The following STEAP1B variants were observed in gnomAD, a reference collection of about 807,000 sequenced individuals.
STEAP1B encodes STEAP family protein MGC87042.
A neutral mutation model predicts 27.9 loss-of-function variants in STEAP1B; 13 were observed. The ratio of observed to expected loss-of-function variants is 0.47; its 90% CI spans 0.30 to 0.74. The LOEUF is 0.74. STEAP1B is among the 30% of genes least tolerant of loss of function. The pLI is 0.06. For missense variants in STEAP1B, 250 were observed against 298.7 expected, an observed-to-expected ratio of 0.84 and a Z score of 1.20; for synonymous variants, 86 against 107.1, an observed-to-expected ratio of 0.80 and a Z score of 1.22.
chr7:22,456,952 C>CCATATATATATATATA lies in STEAP1B; in HGVS notation c.762+35612_762+35613insTATATATATATATATG, dbSNP rs1478025290. ...TTCAGAATGGGGGTGGGATAGGCAG[C>CCATATATATATATATA]TATATATATATATATATATATTTTT... On this transcript the variant is annotated intron_variant, in intron 4 of 4. Transcript: ENST00000678116. Among the ~76,000 whole-genome samples the CCATATATATATATATA allele has an allele frequency of 1.2e-4, 9 of 73,278 alleles. No individual in the cohort carries two copies. In the East Asian group the frequency reaches 1.6e-3, roughly 13 times the overall value. 48.1% of individuals were successfully genotyped at this position (73,278 alleles called of 152,430 possible). A position where few individuals can be genotyped will look rare whatever the true frequency, so the allele number is the denominator to read the frequency against.
At chr7:22,463,431 G>T (rs951469737) in intron 4 of STEAP1B, among the ~76,000 whole-genome samples, 29 of 152,214 alleles carry the variant, frequency 1.9e-4, no homozygotes, top group South Asian at 1.2e-3. Flanking sequence ...CCAATGACTT[G>T]CTTCACAGAA....
In STEAP1B at chr7:22,475,386, C is replaced by T. The variant is rs146170952; in HGVS notation, c.762+17179G>A. Reference sequence around the variant, plus strand: ...CCATGTGGGGCCTTGAGCTGGATTTCGTTCTGAGTCAGGGTCTTCTTCTGT... The same window carrying T: ...CCATGTGGGGCCTTGAGCTGGATTTTGTTCTGAGTCAGGGTCTTCTTCTGT... On this transcript the variant is annotated intron_variant, in intron 4 of 4. Coordinates refer to ENST00000678116, the MANE Select transcript of STEAP1B (RefSeq NM_001382447.1). 1.2e-4 allele frequency among the ~76,000 whole-genome samples: 19 copies of T among 152,312 alleles called. No individual in the cohort carries two copies. The East Asian group carries it at 3.5e-3, about 28-fold the overall frequency.
intron 4 of STEAP1B, among the ~76,000 whole-genome samples, chr7:22,444,934 T>C (rs968547783): frequency 6.6e-6 from 1 of 152,152 alleles, no homozygotes; most frequent in African/African-American, 2.4e-5. Flanking sequence ...AGGTGTGCAT[T>C]TGCTGTCACC....
chr7:22,487,253 C>T (rs967862258), intron 4 of STEAP1B, among the ~76,000 whole-genome samples: 1 of 151,846 alleles, frequency 6.6e-6, no homozygotes, highest in Non-Finnish European at 1.5e-5. Flanking sequence ...GAGCTGTGAT[C>T]GCACCACTGT....
chr7:22,481,357 C>T (rs887246136), intron 4 of STEAP1B, among the ~76,000 whole-genome samples: 3 of 152,204 alleles, frequency 2.0e-5, no homozygotes, highest in East Asian at 1.9e-4. Flanking sequence ...TTAGCTAACC[C>T]CTGGGTGCCT....
At chr7:22,443,815 C>T (rs1785369308) in intron 4 of STEAP1B, among the ~76,000 whole-genome samples, 1 of 152,206 alleles carries the variant, frequency 6.6e-6, no homozygotes, top group African/African-American at 2.4e-5. Flanking sequence ...AAAAACACTT[C>T]CACTCGGCTG....
chr7:22,443,929 G>T (rs1201558124), intron 4 of STEAP1B, among the ~76,000 whole-genome samples: 1 of 152,218 alleles, frequency 6.6e-6, no homozygotes, highest in Non-Finnish European at 1.5e-5. Flanking sequence ...GTGATGTCCA[G>T]CCCAAGAGGC....
At chr7:22,461,128 C>A (rs1035054823) in intron 4 of STEAP1B, among the ~76,000 whole-genome samples, 1 of 152,196 alleles carries the variant, frequency 6.6e-6, no homozygotes, top group Non-Finnish European at 1.5e-5. Context: ...GAACTGCTTA[C>A]CACTCATTCT....
Position 22,459,497 on chromosome 7 carries a change from G to A in STEAP1B, c.762+33068C>T, listed in dbSNP as rs1785642017. 1.3e-5 allele frequency among the ~76,000 whole-genome samples: 2 copies of A among 152,320 alleles called. 1 individual carries two copies. The highest frequency in any genetic ancestry group is 4.2e-4 in the South Asian group (2 of 4,818). On this transcript the variant is annotated intron_variant, in intron 4 of 4. Transcript: ENST00000678116. ...TGGGTACCACGGCCATAAGACCTGAGTAATGATGTCTAAATTTTCCACTTA... is the reference window on the plus strand; with the variant it reads ...TGGGTACCACGGCCATAAGACCTGAATAATGATGTCTAAATTTTCCACTTA...
chr7:22,494,521 C>T (rs1194328785), intron 2 of STEAP1B, among the ~76,000 whole-genome samples: 3 of 150,646 alleles, frequency 2.0e-5, no homozygotes, highest in Non-Finnish European at 4.4e-5. Context: ...ATGGTATAAA[C>T]AAACTAAGAC....
At chr7:22,475,910 TG>T (rs1258674388) in intron 4 of STEAP1B, among the ~76,000 whole-genome samples, 11 of 152,236 alleles carry the variant, frequency 7.2e-5, no homozygotes, top group Non-Finnish European at 1.6e-4. Context: ...TTTAAGCAGT[TG>T]CAGTTCTCCT....
At position 22,493,367 on chromosome 7, in the gene STEAP1B, C is replaced by T. The variant is rs16881812; in HGVS notation, c.554G>A (p.Arg185Lys). 1 of 1,613,808 alleles carries T rather than the reference C, an allele frequency of 6.2e-7. No homozygotes were observed. The highest frequency in any genetic ancestry group is 8.5e-7 in the Non-Finnish European group (1 of 1,179,800). Residue 185 changes from arginine (R) to lysine (K), a missense_variant, in exon 3 of 5, where the codon AGG (arginine) becomes AAG (lysine). By Grantham distance (26) the Arg-to-Lys change is conservative. Coordinates refer to ENST00000678116, the MANE Select transcript of STEAP1B (RefSeq NM_001382447.1). ...HAIYTLSYAM[R>K]RSYRYKLLNW... Reference sequence around the variant, plus strand: ...TAGCAACTTGTATCTGTAGGATCGCCTCATTGCGTAAGACAGAGTATAAAT... The same window carrying T: ...TAGCAACTTGTATCTGTAGGATCGCTTCATTGCGTAAGACAGAGTATAAAT...
chr7:22,431,741 G>A (rs1441621051), intron 4 of STEAP1B, among the ~76,000 whole-genome samples: 1 of 152,220 alleles, frequency 6.6e-6, no homozygotes, highest in Admixed American at 6.5e-5. Flanking sequence ...ACTGGATCAG[G>A]ACAACTATTT....
chr7:22,479,353 A>G (rs572406795), intron 4 of STEAP1B, among the ~76,000 whole-genome samples: 1 of 152,354 alleles, frequency 6.6e-6, no homozygotes, highest in African/African-American at 2.4e-5. Flanking sequence ...TGCCCTTAAC[A>G]GAATCACATT....
intron 4 of STEAP1B, chr7:22,492,252 C>T: frequency 6.7e-6 from 1 of 148,568 alleles, no homozygotes; most frequent in Admixed American, 8.6e-5. Flanking sequence ...CCAGGAGGCG[C>T]AGGTTGCAGT....
At chr7:22,442,712 G>T (rs1785352436) in intron 4 of STEAP1B, among the ~76,000 whole-genome samples, 1 of 152,206 alleles carries the variant, frequency 6.6e-6, no homozygotes, top group Non-Finnish European at 1.5e-5. Flanking sequence ...GTGACTTTGG[G>T]CTTGCTGAGT....
At position 22,464,948 on chromosome 7, in the gene STEAP1B, C is replaced by CATATATATATATATAT. The variant is rs75308240; in HGVS notation, c.762+27601_762+27616dup. Among the ~76,000 whole-genome samples the CATATATATATATATAT allele has an allele frequency of 8.2e-3, 369 of 44,982 alleles. 93 individuals carry two copies. The highest frequency in any genetic ancestry group is 0.024 in the South Asian group (33 of 1,402). 29.5% of individuals were successfully genotyped at this position (44,982 alleles called of 152,430 possible). ...CGAAACCACAGACAGTACCAAACCC[C>CATATATATATATATAT]ATATATATATATATATGTAGGCACA... is the stretch of plus-strand genomic sequence containing the variant. On this transcript the variant is annotated intron_variant, in intron 4 of 4. Coordinates refer to ENST00000678116, the MANE Select transcript of STEAP1B (RefSeq NM_001382447.1).
rs770952479 is a variant in STEAP1B at position 22,493,632 on chromosome 7, G to C, written c.289C>G (p.Pro97Ala). ...LYTLLREVIH[P>A]LATSHQQYFY... ...TATTGTTGATGGGAAGTTGCTAAAGGGTGAATTACTTCCCTCAGAAGAGTG... is the reference window on the plus strand; with the variant it reads ...TATTGTTGATGGGAAGTTGCTAAAGCGTGAATTACTTCCCTCAGAAGAGTG... Residue 97 changes from proline (P) to alanine (A), a missense_variant, in exon 3 of 5, where the codon CCT (proline) becomes GCT (alanine). By Grantham distance (27) the Pro-to-Ala change is conservative (BLOSUM62 -1). Coordinates refer to ENST00000678116, the MANE Select transcript of STEAP1B (RefSeq NM_001382447.1). 7.4e-6 allele frequency: 12 copies of C among 1,613,822 alleles called. No homozygotes were observed. The highest frequency in any genetic ancestry group is 1.3e-5 in the African/African-American group (1 of 74,908).
chr7:22,487,469 A>C (rs1426745337), intron 4 of STEAP1B, among the ~76,000 whole-genome samples: 1 of 150,450 alleles, frequency 6.6e-6, no homozygotes, highest in Non-Finnish European at 1.5e-5. Context: ...TATTTGTTTG[A>C]AAAAAAAATG....
Sources: gnomAD v4.1 joint callset for allele counts (sites outside exome capture counted in the v4.1 genomes callset) on GRCh38, gnomAD v4.1.1 for gene constraint, MANE v1.5 for transcripts, NCBI Gene and HGNC (gene_info 2026-07-23, HGNC 2026-07-21) for gene names.